Variants in CNTN4 observed in about 807,000 individuals in gnomAD.
CNTN4 encodes the protein contactin-4.
In CNTN4, 77 loss-of-function variants were observed where a neutral mutation model predicts 122.5. The ratio of observed to expected loss-of-function variants is 0.63; its 90% CI spans 0.52 to 0.76. The LOEUF is 0.76. Ranked by LOEUF, CNTN4 falls within the 30% of genes least tolerant of loss-of-function variation. The pLI is 0.00. For missense variants in CNTN4, 1,256 were observed against 1,259.1 expected, an observed-to-expected ratio of 1.00 and a Z score of 0.04; for synonymous variants, 512 against 447.0, an observed-to-expected ratio of 1.15 and a Z score of -1.83.
intron 3 of CNTN4, among the ~76,000 whole-genome samples, chr3:2,448,497 A>G (rs2048707508): frequency 6.6e-6 from 1 of 152,136 alleles, no homozygotes; most frequent in Admixed American, 6.6e-5. Flanking sequence ...GAACTTGAGA[A>G]TTGTCCTCTT....
At chr3:2,337,082 G>A (rs2043982268) in intron 2 of CNTN4, among the ~76,000 whole-genome samples, 2 of 152,208 alleles carry the variant, frequency 1.3e-5, no homozygotes, top group South Asian at 4.1e-4. Context: ...TGTTTCAGAG[G>A]CCTTCTTGGG....
intron 4 of CNTN4, among the ~76,000 whole-genome samples, chr3:2,705,715 A>G (rs1313447125): frequency 1.0e-5 from 1 of 97,760 alleles, no homozygotes; most frequent in Non-Finnish European, 1.8e-5. Context: ...TATATAATAT[A>G]TACAACATAT....
intron 12 of CNTN4, among the ~76,000 whole-genome samples, chr3:2,921,256 T>G (rs546835211): frequency 9.8e-5 from 15 of 152,302 alleles, no homozygotes; most frequent in African/African-American, 3.6e-4. Flanking sequence ...AGGCTGGTCT[T>G]GAACTCCTGG....
intron 2 of CNTN4, among the ~76,000 whole-genome samples, chr3:2,135,040 A>G (rs539528347): frequency 1.3e-5 from 2 of 152,344 alleles, no homozygotes; most frequent in South Asian, 4.1e-4. Flanking sequence ...ACAAAGAGTT[A>G]TCAGGCCCAA....
chr3:2,894,147 GAATAA>G (rs1029182938), intron 10 of CNTN4, among the ~76,000 whole-genome samples: 1 of 152,082 alleles, frequency 6.6e-6, no homozygotes. Flanking sequence ...TGTCTTACTA[GAATAA>G]AAGTGCATTC....
intron 7 of CNTN4, among the ~76,000 whole-genome samples, chr3:2,860,133 G>A (rs534266747): frequency 6.6e-6 from 1 of 152,214 alleles, no homozygotes; most frequent in Non-Finnish European, 1.5e-5. Flanking sequence ...GGTTGGATGA[G>A]ATTTAGTACT....
intron 2 of CNTN4, among the ~76,000 whole-genome samples, chr3:2,113,694 C>T (rs183022473): frequency 4.6e-5 from 7 of 152,090 alleles, no homozygotes; most frequent in East Asian, 1.9e-4. Context: ...TAGTTTAAGG[C>T]GCAGATACAC....
rs189403841 is a variant in CNTN4 at position 2,318,516 on chromosome 3, A to G, written c.-144-20662A>G. Among the ~76,000 whole-genome samples, 18 of 152,272 alleles carry G rather than the reference A, an allele frequency of 1.2e-4. No homozygotes were observed. In the East Asian group the frequency reaches 2.3e-3, roughly 20 times the overall value. ...TTGTATAATTAATCAAGATGTTTGT[A>G]TATTACTCTCCTCCTAACATGTGAG... On this transcript the variant is annotated intron_variant, in intron 2 of 24. Coordinates refer to ENST00000418658, the MANE Select transcript of CNTN4 (RefSeq NM_175607.3).
At chr3:2,808,423 T>C (rs1259721748) in intron 6 of CNTN4, among the ~76,000 whole-genome samples, 1 of 152,122 alleles carries the variant, frequency 6.6e-6, no homozygotes, top group African/African-American at 2.4e-5. Flanking sequence ...TTAATTTTCA[T>C]TGGGGAGAAA....
intron 4 of CNTN4, among the ~76,000 whole-genome samples, chr3:2,658,965 GACACACACACACACACAC>G (rs67168398): frequency 6.4e-5 from 9 of 139,710 alleles, no homozygotes; most frequent in South Asian, 2.5e-4. Context: ...CACACAAACA[GACACACACACACACACAC>G]ACACACACAC....
chr3:2,473,318 T>G (rs1204206983), intron 3 of CNTN4, among the ~76,000 whole-genome samples: 3 of 151,652 alleles, frequency 2.0e-5, no homozygotes, highest in Non-Finnish European at 4.4e-5. Flanking sequence ...TGTCTCTAAC[T>G]GGCTTCCTCA....
intron 3 of CNTN4, among the ~76,000 whole-genome samples, chr3:2,528,285 A>G (rs2077474569): frequency 6.6e-6 from 1 of 152,186 alleles, no homozygotes; most frequent in Admixed American, 6.6e-5. Flanking sequence ...TTATTATTTT[A>G]CATTTGAAAT....
At chr3:2,498,731 C>T (rs2076517937) in intron 3 of CNTN4, among the ~76,000 whole-genome samples, 1 of 152,072 alleles carries the variant, frequency 6.6e-6, no homozygotes, top group Non-Finnish European at 1.5e-5. Flanking sequence ...ATCCACCTGC[C>T]TTGGCCTCCC....
chr3:2,666,959 A>C lies in CNTN4; in HGVS notation c.56-69256A>C, dbSNP rs558166333. Among the ~76,000 whole-genome samples, 14 of 151,950 alleles carry C rather than the reference A, an allele frequency of 9.2e-5. 1 individual carries two copies. In the East Asian group the frequency reaches 2.5e-3, roughly 27 times the overall value. On this transcript the variant is annotated intron_variant, in intron 4 of 24. Coordinates refer to ENST00000418658, the MANE Select transcript of CNTN4 (RefSeq NM_175607.3). Reference sequence around the variant, plus strand: ...GGCTGCGTAGTATTCCATGGTGTATATGTGCCACATTTTCTTAATCCACTC... The same window carrying C: ...GGCTGCGTAGTATTCCATGGTGTATCTGTGCCACATTTTCTTAATCCACTC...
chr3:2,293,128 G>GAT, intron 2 of CNTN4, among the ~76,000 whole-genome samples: 1 of 151,996 alleles, frequency 6.6e-6, no homozygotes, highest in Admixed American at 6.6e-5. Context: ...TTTAACAAGA[G>GAT]TTCTTGAGGA....
chr3:2,895,982 A>C (rs558898045), intron 10 of CNTN4, among the ~76,000 whole-genome samples: 1 of 152,202 alleles, frequency 6.6e-6, no homozygotes, highest in Non-Finnish European at 1.5e-5. Flanking sequence ...GCAGCGAGCC[A>C]AGATGGCGCC....
At chr3:2,610,090 G>A (rs1184096268) in intron 4 of CNTN4, among the ~76,000 whole-genome samples, 4 of 152,202 alleles carry the variant, frequency 2.6e-5, no homozygotes, top group East Asian at 1.9e-4. Flanking sequence ...TGTATTACAA[G>A]TAAATACAAA....
intron 2 of CNTN4, among the ~76,000 whole-genome samples, chr3:2,287,720 A>G (rs201325127): frequency 3.8e-3 from 196 of 51,214 alleles, no homozygotes; most frequent in Middle Eastern, 0.011. Flanking sequence ...AGGAAGAAGA[A>G]GAAGAAGAAG....
chr3:2,837,239 G>A (rs1173825050), intron 7 of CNTN4, among the ~76,000 whole-genome samples: 1 of 152,206 alleles, frequency 6.6e-6, no homozygotes, highest in East Asian at 1.9e-4. Context: ...GGAGGAAGAT[G>A]TTTGCATTAT....
Sources: allele counts gnomAD v4.1 joint callset (sites outside exome capture counted in the v4.1 genomes callset), GRCh38; gene constraint gnomAD v4.1.1; transcripts MANE v1.5; gene names NCBI Gene and HGNC (gene_info 2026-07-23, HGNC 2026-07-21).